The following BLTP1 variants were observed in gnomAD, a reference collection of about 807,000 sequenced individuals.
BLTP1 encodes the protein bridge-like lipid transfer protein family member 1.
the BLTP1 span, chr4:122,168,041 T>C: frequency 7.9e-6 from 2 of 252,470 alleles, no homozygotes; most frequent in Non-Finnish European, 1.3e-5. Flanking sequence ...ACTTTCTTTA[T>C]ACCAGAATAT....
At chr4:122,211,762 G>A in the BLTP1 span, among the ~76,000 whole-genome samples, 1 of 152,110 alleles carries the variant, frequency 6.6e-6, no homozygotes, top group African/African-American at 2.4e-5. Flanking sequence ...TATGAAGAGA[G>A]GCTATTTTTG....
At chr4:122,195,550 G>A in the BLTP1 span, 2 of 153,330 alleles carry the variant, frequency 1.3e-5, no homozygotes, top group Admixed American at 6.6e-5. Context: ...GTGCGAAAAT[G>A]GAGACGCAGA....
the BLTP1 span, chr4:122,344,882 A>C: frequency 1.0e-6 from 1 of 985,052 alleles, no homozygotes; most frequent in Non-Finnish European, 1.2e-6. Context: ...GTAAATGCTT[A>C]AAACACTAAA....
At chr4:122,286,495 G>A in the BLTP1 span, 1 of 1,607,522 alleles carries the variant, frequency 6.2e-7, no homozygotes, top group Non-Finnish European at 8.5e-7. Flanking sequence ...GAATGAATGA[G>A]TGAATGAACA....
chr4:122,181,264 G>T, the BLTP1 span: 1 of 967,434 alleles, frequency 1.0e-6, no homozygotes, highest in South Asian at 4.8e-5. Context: ...GAGCTATACT[G>T]GACAACTGAC....
chr4:122,233,922 G>T, the BLTP1 span, among the ~76,000 whole-genome samples: 19 of 152,230 alleles, frequency 1.2e-4, no homozygotes, highest in African/African-American at 4.3e-4. Context: ...ATATGTTCAA[G>T]AAATATAAAT....
the BLTP1 span, chr4:122,234,713 T>C: frequency 2.6e-6 from 4 of 1,523,406 alleles, no homozygotes; most frequent in African/African-American, 1.4e-5. Context: ...AAAAAGTTTT[T>C]CATTTCTTAA....
At chr4:122,271,275 A>T in the BLTP1 span, 13 of 1,613,974 alleles carry the variant, frequency 8.1e-6, no homozygotes, top group Non-Finnish European at 1.0e-5. Context: ...ATGATAGATG[A>T]CATCAAAGCA....
the BLTP1 span, among the ~76,000 whole-genome samples, chr4:122,326,607 G>A: frequency 1.3e-5 from 2 of 151,562 alleles, no homozygotes; most frequent in Admixed American, 6.6e-5. Context: ...CACGAATGGA[G>A]TGGGTTCTGC....
chr4:122,173,424 C>T, the BLTP1 span, among the ~76,000 whole-genome samples: 1 of 152,182 alleles, frequency 6.6e-6, no homozygotes, highest in East Asian at 1.9e-4. Flanking sequence ...TCTCTTTTTC[C>T]TCTTGTAAAG....
chr4:122,286,121 C>T, the BLTP1 span, among the ~76,000 whole-genome samples: 6 of 152,274 alleles, frequency 3.9e-5, no homozygotes, highest in Non-Finnish European at 7.4e-5. Context: ...CACACTGAAT[C>T]AGGATCAGTA....
At chr4:122,248,697 T>A in the BLTP1 span, among the ~76,000 whole-genome samples, 7 of 152,182 alleles carry the variant, frequency 4.6e-5, no homozygotes, top group Non-Finnish European at 8.8e-5. Context: ...AAGAATGACA[T>A]TTCCATAGCA....
chr4:122,333,491 T>A, the BLTP1 span: 2 of 827,036 alleles, frequency 2.4e-6, no homozygotes, highest in Non-Finnish European at 3.5e-6. Flanking sequence ...TGTTTTTTTC[T>A]TGTAAATTTG....
the BLTP1 span, chr4:122,173,224 C>T: frequency 2.0e-6 from 3 of 1,499,976 alleles, no homozygotes; most frequent in Non-Finnish European, 1.8e-6. Flanking sequence ...TTTTTTGTTG[C>T]TATAACTGAA....
the BLTP1 span, among the ~76,000 whole-genome samples, chr4:122,262,501 T>G: frequency 6.6e-6 from 1 of 152,134 alleles, no homozygotes; most frequent in African/African-American, 2.4e-5. Context: ...GATCCATGGT[T>G]AAAATAAGTG....
the BLTP1 span, chr4:122,183,304 C>G: frequency 1.3e-6 from 1 of 782,170 alleles, no homozygotes. Context: ...CCACTGCATG[C>G]CACACTGGGG....
chr4:122,269,514 A>G, the BLTP1 span: 3 of 985,214 alleles, frequency 3.0e-6, no homozygotes, highest in Non-Finnish European at 2.4e-6. Context: ...CTAACTCATG[A>G]TCAGCTTTTA....
chr4:122,354,221 A>G, the BLTP1 span, among the ~76,000 whole-genome samples: 9 of 152,186 alleles, frequency 5.9e-5, no homozygotes, highest in Non-Finnish European at 1.0e-4. Context: ...TTTAGATGTT[A>G]TTGAAAACAT....
the BLTP1 span, among the ~76,000 whole-genome samples, chr4:122,340,067 T>C: frequency 7.0e-4 from 107 of 152,214 alleles, no homozygotes; most frequent in South Asian, 0.021. Flanking sequence ...GAGACTAGAC[T>C]GAATGAAAAC....
Sources: gnomAD v4.1 joint callset for allele counts (sites outside exome capture counted in the v4.1 genomes callset) on GRCh38, gnomAD v4.1.1 for gene constraint, MANE v1.5 for transcripts, NCBI Gene and HGNC (gene_info 2026-07-23, HGNC 2026-07-21) for gene names.